Variants in BDH1 observed in about 807,000 individuals in gnomAD.
BDH1 encodes 3-hydroxybutyrate dehydrogenase 1.
Under a neutral mutation model 33.1 loss-of-function variants are expected in BDH1, and 30 were observed. The ratio of observed to expected loss-of-function variants is 0.91; its 90% confidence interval spans 0.68 to 1.23. The LOEUF is 1.23. Ranked by LOEUF, BDH1 falls within the 50% of genes most tolerant of loss-of-function variation. BDH1 has a pLI of 0.00. For missense variants in BDH1, 443 were observed against 464.4 expected, an observed-to-expected ratio of 0.95 and a Z score of 0.42; for synonymous variants, 190 against 183.6, an observed-to-expected ratio of 1.03 and a Z score of -0.28.
intron 1 of BDH1, among the ~76,000 whole-genome samples, chr3:197,564,214 G>C (rs1197515708): frequency 1.3e-5 from 2 of 150,510 alleles, no homozygotes; most frequent in Non-Finnish European, 1.5e-5. Context: ...TTTAGTCCTA[G>C]AGTAAAATGA....
intron 3 of BDH1, among the ~76,000 whole-genome samples, chr3:197,537,074 C>T (rs1307128388): frequency 1.3e-5 from 2 of 152,092 alleles, no homozygotes; most frequent in Admixed American, 6.6e-5. Context: ...CTGCAGCCTC[C>T]GCCTGCCACA....
At chr3:197,563,835 C>T (rs62283262) in intron 1 of BDH1, among the ~76,000 whole-genome samples, 1 of 152,074 alleles carries the variant, frequency 6.6e-6, no homozygotes, top group African/African-American at 2.4e-5. Context: ...GGAGCAGTGG[C>T]TCACACTTGT....
At chr3:197,556,833 A>G (rs777297230), upstream of BDH1, among the ~76,000 whole-genome samples, 1 of 152,194 alleles carries the variant, frequency 6.6e-6, no homozygotes, top group Non-Finnish European at 1.5e-5. Flanking sequence ...AGCACACCTC[A>G]GTTTCCAGGA....
intron 3 of BDH1, among the ~76,000 whole-genome samples, chr3:197,540,645 G>A (rs1174289212): frequency 6.6e-6 from 1 of 152,098 alleles, no homozygotes; most frequent in Non-Finnish European, 1.5e-5. Flanking sequence ...CTCCAGCCTG[G>A]GCGAGAGTGA....
chr3:197,522,145 C>G lies in BDH1; in HGVS notation c.409+495G>C, dbSNP rs1713619135. On this transcript the variant is annotated intron_variant, in intron 6 of 7. Coordinates refer to ENST00000392379, the MANE Select transcript of BDH1 (RefSeq NM_203314.3). The surrounding 1 kb of genome is among the most constrained non-coding windows in gnomAD (Gnocchi z 4.8). The stretch of plus-strand genomic sequence containing the variant: ...TGCTCTCCCCTCCTCTTGGAACAAC[C>G]ATATCTGCTCTCTGCCACAATCTGC... Among the ~76,000 whole-genome samples, 1 of 152,330 alleles carries G rather than the reference C, an allele frequency of 6.6e-6. No homozygotes were observed. Among genetic ancestry groups the G allele is most frequent in the South Asian group, 2.1e-4 (1 of 4,826 alleles).
chr3:197,568,794 A>C (rs1190130720), intron 1 of BDH1, among the ~76,000 whole-genome samples: 1 of 151,986 alleles, frequency 6.6e-6, no homozygotes, highest in African/African-American at 2.4e-5. Flanking sequence ...ATCCTGCCCT[A>C]AGCTACAGCA....
intron 5 of BDH1, among the ~76,000 whole-genome samples, chr3:197,531,133 C>A (rs1226362450): frequency 6.6e-6 from 1 of 152,102 alleles, no homozygotes; most frequent in African/African-American, 2.4e-5. Flanking sequence ...TGGTGGCTCA[C>A]GCCTGTAATC....
At chr3:197,560,698 C>A (rs1219946830), upstream of BDH1, among the ~76,000 whole-genome samples, 1 of 152,128 alleles carries the variant, frequency 6.6e-6, no homozygotes, top group East Asian at 1.9e-4. Flanking sequence ...GCATTTCAAA[C>A]AGGTGTGAAA....
rs909390071 is a variant in BDH1, at chr3:197,523,189, A to T, written c.268-408T>A. ...AAGCTAGTAATTGGGAAATCTCTTC[A>T]TTCTTTTAAGTGTTGGCAACTTACA... On this transcript the variant is annotated intron_variant, in intron 5 of 7. Coordinates refer to ENST00000392379, the MANE Select transcript of BDH1 (RefSeq NM_203314.3). The surrounding 1 kb of genome is among the most constrained non-coding windows in gnomAD (Gnocchi z 4.5). 1 of 180,924 alleles carries T rather than the reference A, an allele frequency of 5.5e-6. No homozygotes were observed. The highest frequency in any genetic ancestry group is 1.1e-5 in the Non-Finnish European group (1 of 87,982). The allele number at this position is 180,924 out of a possible 1,614,324, so 11.2% of individuals were successfully genotyped here.
At chr3:197,558,876 A>G (rs1188746977), upstream of BDH1, among the ~76,000 whole-genome samples, 1 of 152,170 alleles carries the variant, frequency 6.6e-6, no homozygotes, top group Non-Finnish European at 1.5e-5. Context: ...ACGTATCTTC[A>G]TGGATCTCCA....
chr3:197,522,961 C>A lies in BDH1; in HGVS notation c.268-180G>T. The A allele has an allele frequency of 3.2e-6, 2 of 631,810 alleles. No individual in the cohort carries two copies. Among genetic ancestry groups the A allele is most frequent in the Non-Finnish European group, 5.4e-6 (2 of 371,662 alleles). 39.1% of individuals were successfully genotyped at this position (631,810 alleles called of 1,614,324 possible). Reference sequence around the variant, plus strand: ...TCTTTTTAATCCTGAGCACTGATGACCTATCAAGCATCAAGCTATGTGCCA... The same window carrying A: ...TCTTTTTAATCCTGAGCACTGATGAACTATCAAGCATCAAGCTATGTGCCA... On this transcript the variant is annotated intron_variant, in intron 5 of 7. Coordinates refer to ENST00000392379, the MANE Select transcript of BDH1 (RefSeq NM_203314.3). The surrounding 1 kb of genome is among the most constrained non-coding windows in gnomAD (Gnocchi z 4.8).
intron 1 of BDH1, among the ~76,000 whole-genome samples, chr3:197,561,145 G>C (rs1407722318): frequency 6.6e-6 from 1 of 152,100 alleles, no homozygotes; most frequent in Non-Finnish European, 1.5e-5. Context: ...TCACATTTTG[G>C]TAACCATGGA....
chr3:197,515,137 G>A (rs1354328274), intron 6 of BDH1, among the ~76,000 whole-genome samples: 1 of 152,248 alleles, frequency 6.6e-6, no homozygotes, highest in Non-Finnish European at 1.5e-5. Context: ...ATGGAAATGA[G>A]TTTGTGTAAA....
rs1251619709 is a variant in BDH1 at position 197,526,908 on chromosome 3, G to A, written c.268-4127C>T. ...TTCAAGAACTTGGAGAAGTCCAGAA[G>A]CTCTCCAAGGCATTCATATGAAGCC... On this transcript the variant is annotated intron_variant, in intron 5 of 7. Transcript: ENST00000392379. The surrounding 1 kb of genome is among the most constrained non-coding windows in gnomAD (Gnocchi z 4.7). Among the ~76,000 whole-genome samples the A allele has an allele frequency of 6.6e-6, 1 of 152,180 alleles. No homozygotes were observed. Among genetic ancestry groups the A allele is most frequent in the Non-Finnish European group, 1.5e-5 (1 of 68,026 alleles).
At chr3:197,518,085 T>C (rs1393368466) in intron 6 of BDH1, among the ~76,000 whole-genome samples, 1 of 28,326 alleles carries the variant, frequency 3.5e-5, no homozygotes, top group African/African-American at 1.6e-4. Flanking sequence ...CTCCATCTCC[T>C]CATCAGGCTG....
At position 197,511,808 on chromosome 3, in the gene BDH1, C is replaced by G. The variant is rs562942311; in HGVS notation, c.*87G>C. The G allele has an allele frequency of 5.5e-6, 7 of 1,269,038 alleles. No homozygotes were observed. Among genetic ancestry groups the G allele is most frequent in the Admixed American group, 2.5e-5 (1 of 40,800 alleles). The allele number at this position is 1,269,038 out of a possible 1,614,324, so 78.6% of individuals were successfully genotyped here. On this transcript the variant is annotated 3_prime_UTR_variant, in exon 8 of 8. Coordinates refer to ENST00000392379, the MANE Select transcript of BDH1 (RefSeq NM_203314.3). Reference sequence around the variant, plus strand: ...TTCCTGGCATGGTGGATAATCCACACGTGGATAATCAAGAGTTGACTATAT... The same window carrying G: ...TTCCTGGCATGGTGGATAATCCACAGGTGGATAATCAAGAGTTGACTATAT...
At chr3:197,538,644 G>A (rs527812026) in intron 3 of BDH1, 207 of 224,886 alleles carry the variant, frequency 9.2e-4, no homozygotes, top group African/African-American at 4.4e-3. Context: ...GAGCCACGGC[G>A]CCCGGCCTGC....
At chr3:197,538,194 A>G (rs947610013) in intron 3 of BDH1, 1 of 437,012 alleles carries the variant, frequency 2.3e-6, no homozygotes, top group African/African-American at 2.0e-5. Flanking sequence ...TCTTCCCAGA[A>G]GCGGAGGTCC....
intron 1 of BDH1, chr3:197,555,510 G>C (rs576913427): frequency 2.6e-5 from 4 of 152,382 alleles, no homozygotes; most frequent in Admixed American, 1.3e-4. Flanking sequence ...CCTCCTGCCT[G>C]GCACATTATT....
Sources: allele counts gnomAD v4.1 joint callset (sites outside exome capture counted in the v4.1 genomes callset), GRCh38; gene constraint gnomAD v4.1.1; non-coding constraint Gnocchi (gnomAD v3.1); transcripts MANE v1.5; gene names NCBI Gene and HGNC (gene_info 2026-07-23, HGNC 2026-07-21).